The following KIAA0319 variants were observed in gnomAD, a reference collection of about 807,000 sequenced individuals.
The protein encoded by KIAA0319 is dyslexia-associated protein KIAA0319.
In KIAA0319, 83 loss-of-function variants were observed where a neutral mutation model predicts 108.4. The ratio of observed to expected loss-of-function variants is 0.77; its 90% CI spans 0.64 to 0.92. The LOEUF (loss-of-function observed/expected upper bound fraction) is 0.92, where lower values mean the gene tolerates loss of function less well. Among genes scored for constraint, KIAA0319 ranks in the 40% least tolerant of loss-of-function variants. The pLI is 0.00. For missense variants in KIAA0319, 1,195 were observed against 1,322.4 expected, an observed-to-expected ratio of 0.90 and a Z score of 1.49; for synonymous variants, 484 against 510.4, an observed-to-expected ratio of 0.95 and a Z score of 0.70.
chr6:24,597,917 CAAAAAAAAAAAAAAAAAAA>C (rs540860751), intron 2 of KIAA0319: 6 of 32,456 alleles, frequency 1.8e-4, no homozygotes, highest in Non-Finnish European at 3.2e-4. Flanking sequence ...GACCCTATCT[CAAAAAAAAAAAAAAAAAAA>C]AAAAAAAAAA....
At chr6:24,611,741 G>T (rs916039020) in intron 1 of KIAA0319, among the ~76,000 whole-genome samples, 1 of 151,864 alleles carries the variant, frequency 6.6e-6, no homozygotes, top group Non-Finnish European at 1.5e-5. Context: ...AAATATAAGC[G>T]CATTTGAAAT....
intron 1 of KIAA0319, among the ~76,000 whole-genome samples, chr6:24,615,152 C>A (rs982626985): frequency 6.6e-6 from 1 of 152,056 alleles, no homozygotes; most frequent in Non-Finnish European, 1.5e-5. Flanking sequence ...TTACTTTGGT[C>A]TTTACTTATT....
At position 24,562,602 on chromosome 6, in the gene KIAA0319, G is replaced by A. The variant is rs186600113; in HGVS notation, c.2591+757C>T. On this transcript the variant is annotated intron_variant, in intron 16 of 20. Transcript: ENST00000378214. ...CACTTATAATCCCAGCACCCTGGGA[G>A]GCCTAAGTGGGCGAATCACTTGAGG... is the stretch of plus-strand genomic sequence containing the variant. Among the ~76,000 whole-genome samples, 107 of 152,304 alleles carry A rather than the reference G, an allele frequency of 7.0e-4. 1 individual carries two copies. Among genetic ancestry groups the A allele is most frequent in the African/African-American group, 2.4e-3 (100 of 41,570 alleles).
Position 24,582,257 on chromosome 6 carries a change from G to T in KIAA0319, c.1183C>A (p.Leu395Ile), listed in dbSNP as rs1479937717. The change falls in exon 6 of 21, where the codon CTC becomes ATC. Residue 395 changes from leucine (L) to isoleucine (I), a missense_variant. Physicochemically the swap from Leu to Ile is conservative, Grantham distance 5. Coordinates refer to ENST00000378214, the MANE Select transcript of KIAA0319 (RefSeq NM_014809.4). ...IKQGHKQTLN[L>I]SQLSVGLYVF... ...AGTCTCCAGTTACTTACTTGAGAGA[G>T]GTTAAGAGTTTGCTTGTGTCCTTGT... 1.3e-6 allele frequency: 2 copies of T among 1,580,746 alleles called. No homozygotes were observed. Among genetic ancestry groups the T allele is most frequent in the South Asian group, 1.1e-5 (1 of 90,398 alleles).
At chr6:24,567,723 G>A (rs1049858638) in intron 13 of KIAA0319, among the ~76,000 whole-genome samples, 2 of 152,108 alleles carry the variant, frequency 1.3e-5, no homozygotes, top group African/African-American at 4.8e-5. Context: ...AAAAAAATGA[G>A]GCAATGTAAA....
intron 1 of KIAA0319, among the ~76,000 whole-genome samples, chr6:24,621,941 C>T (rs1446755280): frequency 2.0e-5 from 3 of 152,196 alleles, no homozygotes; most frequent in African/African-American, 7.2e-5. Context: ...AAGCTAAAGC[C>T]AGAGAACTGC....
chr6:24,569,358 T>C (rs1764349385), intron 12 of KIAA0319, among the ~76,000 whole-genome samples: 1 of 152,180 alleles, frequency 6.6e-6, no homozygotes, highest in Admixed American at 6.6e-5. Flanking sequence ...GATCGGGGCT[T>C]GTCAAAAATA....
chr6:24,599,923 C>A lies in KIAA0319; in HGVS notation c.55+1126G>T. 1 of 261,422 alleles carries A rather than the reference C, an allele frequency of 3.8e-6. No individual in the cohort carries two copies. The highest frequency in any genetic ancestry group is 7.4e-6 in the Non-Finnish European group (1 of 135,314). 16.2% of individuals were successfully genotyped at this position (261,422 alleles called of 1,614,324 possible). On this transcript the variant is annotated intron_variant, in intron 2 of 20. Coordinates refer to ENST00000378214, the MANE Select transcript of KIAA0319 (RefSeq NM_014809.4). This position sits in a 1 kb window ranked among gnomAD's most constrained non-coding sequence, Gnocchi z 4.1. Reference sequence around the variant, plus strand: ...TCAGCGCTCGCCCTCAGCCGACCCGCGGGAGAGTTCACTGCCTGGGGTATC... The same window carrying A: ...TCAGCGCTCGCCCTCAGCCGACCCGAGGGAGAGTTCACTGCCTGGGGTATC...
rs1284847413 is a variant in KIAA0319, at chr6:24,596,614, A to T, written c.60T>A (p.Cys20Ter). The T allele has an allele frequency of 6.2e-7, 1 of 1,600,784 alleles. No homozygotes were observed. The highest frequency in any genetic ancestry group is 8.5e-7 in the Non-Finnish European group (1 of 1,171,460). ...TCCCCTCGCTGCACTGCTTACGGGC[A>T]CAACCTTTAAACAAAGTAGTTTCTA... ...SLLLLVTIAG[C>*]ARKQCSEGRT... Residue 20 changes from cysteine (C) to a stop codon, truncating the protein, a stop_gained, in exon 3 of 21, where the codon TGT becomes TGA. Coordinates refer to ENST00000378214, the MANE Select transcript of KIAA0319 (RefSeq NM_014809.4). LOFTEE classifies it high-confidence loss of function.
rs763787738 is a variant in KIAA0319 at position 24,551,376 on chromosome 6, G to C, written c.3040+58C>G. ...TCCCTCTATCCAAGTTAGCCCTCAG[G>C]CCTACCTAGGTTAAATCATATAAAG... On this transcript the variant is annotated intron_variant, in intron 20 of 20. Transcript: ENST00000378214. 2.8e-4 allele frequency: 332 copies of C among 1,191,518 alleles called. 2 individuals are homozygous for C. Among genetic ancestry groups the C allele is most frequent in the South Asian group, 9.0e-4 (74 of 82,402 alleles). The allele number at this position is 1,191,518 out of a possible 1,614,324, so 73.8% of individuals were successfully genotyped here. A position where few individuals can be genotyped will look rare whatever the true frequency, so the allele number is the denominator to read the frequency against.
chr6:24,585,810 C>G (rs1037602312), intron 4 of KIAA0319, among the ~76,000 whole-genome samples: 1 of 152,122 alleles, frequency 6.6e-6, no homozygotes, highest in African/African-American at 2.4e-5. Flanking sequence ...CCAAGGTGGC[C>G]AGGCACAGTG....
intron 1 of KIAA0319, among the ~76,000 whole-genome samples, chr6:24,619,713 A>G (rs945505898): frequency 6.6e-6 from 1 of 152,162 alleles, no homozygotes; most frequent in African/African-American, 2.4e-5. Flanking sequence ...GAGGGGGGAA[A>G]TGGCCTATTT....
rs968594647 is a variant in KIAA0319 at position 24,599,282 on chromosome 6, G to T, written c.55+1767C>A. 2 of 491,100 alleles carry T rather than the reference G, an allele frequency of 4.1e-6. No homozygotes were observed. The highest frequency in any genetic ancestry group is 7.5e-6 in the Non-Finnish European group (2 of 265,762). The allele number at this position is 491,100 out of a possible 1,614,324, so 30.4% of individuals were successfully genotyped here. A position where few individuals can be genotyped will look rare whatever the true frequency, so the allele number is the denominator to read the frequency against. On this transcript the variant is annotated intron_variant, in intron 2 of 20. Transcript: ENST00000378214. This position sits in a 1 kb window ranked among gnomAD's most constrained non-coding sequence, Gnocchi z 4.1. Reference sequence around the variant, plus strand: ...ATACAAAGATGGAGATCTCTGAGATGAATCAGAACATCAGCCGGCTCCAGA... The same window carrying T: ...ATACAAAGATGGAGATCTCTGAGATTAATCAGAACATCAGCCGGCTCCAGA...
At chr6:24,596,743 A>G (rs1244339245) in intron 2 of KIAA0319, 125 bp from the exon 3 acceptor site, 4 of 794,356 alleles carry the variant, frequency 5.0e-6, no homozygotes. Flanking sequence ...ATAAACAATC[A>G]GCATTTCACA....
intron 9 of KIAA0319, among the ~76,000 whole-genome samples, chr6:24,577,572 A>G (rs1765727384): frequency 6.6e-6 from 1 of 152,234 alleles, no homozygotes; most frequent in African/African-American, 2.4e-5. Flanking sequence ...TGAGTGCTAA[A>G]TAATATCAAT....
intron 3 of KIAA0319, among the ~76,000 whole-genome samples, chr6:24,589,270 G>A (rs553992699): frequency 7.2e-5 from 11 of 152,244 alleles, no homozygotes; most frequent in African/African-American, 2.2e-4. Context: ...TTTCTTCCTT[G>A]TAAGCACACA....
At chr6:24,624,934 TTCAGCCTGTAA>T (rs1169077048) in intron 1 of KIAA0319, among the ~76,000 whole-genome samples, 2 of 152,166 alleles carry the variant, frequency 1.3e-5, no homozygotes, top group Non-Finnish European at 2.9e-5. Flanking sequence ...GGTTAGGCTC[TTCAGCCTGTAA>T]TCCCACCTAC....
chr6:24,549,131 G>C (rs1452959910), intron 20 of KIAA0319, among the ~76,000 whole-genome samples: 1 of 151,960 alleles, frequency 6.6e-6, no homozygotes, highest in Non-Finnish European at 1.5e-5. Context: ...AGACCAGCCT[G>C]GCTGACATGG....
At chr6:24,638,791 G>T (rs1308187913) in intron 1 of KIAA0319, among the ~76,000 whole-genome samples, 1 of 151,904 alleles carries the variant, frequency 6.6e-6, no homozygotes, top group East Asian at 1.9e-4. Context: ...AAAGAGGCAA[G>T]ATGTGAAGGG....
Sources: gnomAD v4.1 joint callset for allele counts (sites outside exome capture counted in the v4.1 genomes callset) on GRCh38, gnomAD v4.1.1 for gene constraint, Gnocchi (gnomAD v3.1) non-coding constraint, MANE v1.5 for transcripts, NCBI Gene and HGNC (gene_info 2026-07-23, HGNC 2026-07-21) for gene names.